ZNF691: variants seen among roughly 807,000 people sequenced by gnomAD.
ZNF691 encodes the protein zinc finger protein 691.
In ZNF691, 11 loss-of-function variants were observed where a neutral mutation model predicts 24.1. The ratio of observed to expected loss-of-function variants is 0.46; its 90% CI spans 0.29 to 0.75. The LOEUF (loss-of-function observed/expected upper bound fraction) is 0.75, where lower values mean the gene tolerates loss of function less well. ZNF691 is among the 30% of genes least tolerant of loss of function. ZNF691 has a pLI of 0.11. For synonymous variants in ZNF691, 149 were observed against 153.9 expected, an observed-to-expected ratio of 0.97 and a Z score of 0.23; for missense variants, 356 against 409.0, an observed-to-expected ratio of 0.87 and a Z score of 1.12.
intron 3 of ZNF691, 57 bp downstream of exon 3, chr1:42,849,799 G>C (rs1476419297): frequency 1.6e-5 from 22 of 1,391,912 alleles, no homozygotes; most frequent in Admixed American, 3.9e-5. Flanking sequence ...AAAGGAGTCT[G>C]TGCAGCTTAG....
At chr1:42,850,521 T>C in intron 3 of ZNF691, 2 of 1,449,872 alleles carry the variant, frequency 1.4e-6, no homozygotes, top group Non-Finnish European at 1.8e-6. Flanking sequence ...TAGATACTTG[T>C]AAGGAAGGTT....
chr1:42,850,270 A>G (rs918530169), intron 3 of ZNF691: 7 of 296,164 alleles, frequency 2.4e-5, no homozygotes, highest in African/African-American at 9.1e-5. Context: ...GGGGCTTTGT[A>G]TGGTGTTTGA....
At chr1:42,849,237 A>C in intron 1 of ZNF691, 54 bp from the exon 2 acceptor site, 1 of 367,206 alleles carries the variant, frequency 2.7e-6, no homozygotes, top group Non-Finnish European at 5.3e-6. Context: ...TTTAAGTTAA[A>C]AGTTTTTTCT....
At chr1:42,848,723 T>C (rs960539798) in intron 1 of ZNF691, among the ~76,000 whole-genome samples, 7 of 152,120 alleles carry the variant, frequency 4.6e-5, no homozygotes, top group African/African-American at 1.4e-4. Flanking sequence ...ACTTATGTTT[T>C]AGGGAAGCAG....
At position 42,849,617 on chromosome 1, in the gene ZNF691, G is replaced by A; in HGVS notation, c.-42G>A. The A allele has an allele frequency of 7.4e-7, 1 of 1,342,480 alleles. No individual in the cohort carries two copies. The highest frequency in any genetic ancestry group is 1.0e-6 in the Non-Finnish European group (1 of 956,922). 83.2% of individuals were successfully genotyped at this position (1,342,480 alleles called of 1,614,324 possible). A position where few individuals can be genotyped will look rare whatever the true frequency, so the allele number is the denominator to read the frequency against. On this transcript the variant is annotated 5_prime_UTR_variant, in exon 3 of 4. Coordinates refer to ENST00000651192, the MANE Select transcript of ZNF691 (RefSeq NM_001242739.2). ...CAGTCTTTCATTTTCTATCATCAGT[G>A]TCCTATGATAGTTTGTGCTTCCCTC...
chr1:42,852,180 C>T lies in ZNF691; in HGVS notation c.*367C>T. On this transcript the variant is annotated 3_prime_UTR_variant, in exon 4 of 4. Transcript: ENST00000651192. ...TGGGTGTCACTGTCTGAAGGTTCTC[C>T]AAATTGTCTGTGAACTGCTTAGGTA... is the stretch of plus-strand genomic sequence containing the variant. The T allele has an allele frequency of 2.6e-6, 1 of 389,124 alleles. No homozygotes were observed. Among genetic ancestry groups the T allele is most frequent in the South Asian group, 2.1e-5 (1 of 46,642 alleles). The allele number at this position is 389,124 out of a possible 1,614,324, so 24.1% of individuals were successfully genotyped here.
Position 42,850,519 on chromosome 1 carries a change from T to C in ZNF691, c.85-431T>C, listed in dbSNP as rs1655353855. 11 of 1,448,814 alleles carry C rather than the reference T, an allele frequency of 7.6e-6. No individual in the cohort carries two copies. In the South Asian group the frequency reaches 1.4e-4, roughly 18 times the overall value. The allele number at this position is 1,448,814 out of a possible 1,614,324, so 89.7% of individuals were successfully genotyped here. A position where few individuals can be genotyped will look rare whatever the true frequency, so the allele number is the denominator to read the frequency against. The stretch of plus-strand genomic sequence containing the variant: ...GAAAGCAGGCATATAGGTAGATACT[T>C]GTAAGGAAGGTTTTTCAAAAAGGAT... On this transcript the variant is annotated intron_variant, in intron 3 of 3. Coordinates refer to ENST00000651192, the MANE Select transcript of ZNF691 (RefSeq NM_001242739.2).
intron 3 of ZNF691, 187 bp from the exon 4 acceptor site, chr1:42,850,763 T>A (rs1025181643): frequency 1.3e-6 from 2 of 1,550,288 alleles, no homozygotes; most frequent in African/African-American, 2.7e-5. Flanking sequence ...TTTAAATATC[T>A]CTGAAAGTTT....
chr1:42,850,582 C>A, intron 3 of ZNF691: 1 of 1,506,780 alleles, frequency 6.6e-7, no homozygotes, highest in Non-Finnish European at 8.9e-7. Context: ...TACAGTTAGG[C>A]AGAAAAATTG....
At chr1:42,849,933 T>C (rs980034922) in intron 3 of ZNF691, among the ~76,000 whole-genome samples, 191 bp downstream of exon 3, 1 of 152,002 alleles carries the variant, frequency 6.6e-6, no homozygotes, top group African/African-American at 2.4e-5. Flanking sequence ...TTGTGTGTAC[T>C]TGGTATGTGA....
In ZNF691 at chr1:42,851,842, G is replaced by A. The variant is rs762840061; in HGVS notation, c.*29G>A. The A allele has an allele frequency of 6.2e-7, 1 of 1,613,746 alleles. No homozygotes were observed. The highest frequency in any genetic ancestry group is 8.5e-7 in the Non-Finnish European group (1 of 1,179,794). Reference sequence around the variant, plus strand: ...AGAGCCCCATTTAGAGTGAGGGAGAGAGAGTGAGAGACCCTAACCTATTGG... The same window carrying A: ...AGAGCCCCATTTAGAGTGAGGGAGAAAGAGTGAGAGACCCTAACCTATTGG... On this transcript the variant is annotated 3_prime_UTR_variant, in exon 4 of 4. Coordinates refer to ENST00000651192, the MANE Select transcript of ZNF691 (RefSeq NM_001242739.2). The surrounding 1 kb of genome is among the most constrained non-coding windows in gnomAD (Gnocchi z 4.7).
At position 42,849,382 on chromosome 1, in the gene ZNF691, A is replaced by AT. The variant is rs1299263443; in HGVS notation, c.-119dup. 6 of 579,962 alleles carry AT rather than the reference A, an allele frequency of 1.0e-5. No individual in the cohort carries two copies. In the East Asian group the frequency reaches 2.0e-4, roughly 19 times the overall value. The allele number at this position is 579,962 out of a possible 1,614,324, so 35.9% of individuals were successfully genotyped here. A position where few individuals can be genotyped will look rare whatever the true frequency, so the allele number is the denominator to read the frequency against. On this transcript the variant is annotated 5_prime_UTR_variant, in exon 2 of 4. An upstream open reading frame in the 5' UTR loses its in-frame stop. Transcript: ENST00000651192. ...ACACACTCTGCTGAGTATTACAGGCATTTTTTTCTAATACAAAGTCTTGTA... is the reference window on the plus strand; with the variant it reads ...ACACACTCTGCTGAGTATTACAGGCATTTTTTTTCTAATACAAAGTCTTGTA...
rs1204377413 is a variant in ZNF691, at chr1:42,851,804, T to G, written c.939T>G (p.Asp313Glu). Residue 313 changes from aspartate to glutamate, a missense_variant, in exon 4 of 4, where the codon GAT becomes GAG. Asp to Glu is a conservative substitution (Grantham distance 45). Transcript: ENST00000651192. This position sits in a 1 kb window ranked among gnomAD's most constrained non-coding sequence, Gnocchi z 4.7. ...KTHLGEQAGK[D>E]SS Reference sequence around the variant, plus strand: ...ACTTGGGCGAACAGGCTGGGAAAGATTCCAGCTGAAGGAGAGCCCCATTTA... The same window carrying G: ...ACTTGGGCGAACAGGCTGGGAAAGAGTCCAGCTGAAGGAGAGCCCCATTTA... The G allele has an allele frequency of 6.2e-7, 1 of 1,613,876 alleles. No homozygotes were observed. Among genetic ancestry groups the G allele is most frequent in the African/African-American group, 1.3e-5 (1 of 74,888 alleles).
chr1:42,847,795 G>T (rs1169500814), intron 1 of ZNF691, among the ~76,000 whole-genome samples: 1 of 152,244 alleles, frequency 6.6e-6, no homozygotes, highest in African/African-American at 2.4e-5. Flanking sequence ...CTTACTTGCT[G>T]TGTGCCCTTG....
At chr1:42,850,203 CTG>C (rs1655343798) in intron 3 of ZNF691, among the ~76,000 whole-genome samples, 1 of 140,904 alleles carries the variant, frequency 7.1e-6, no homozygotes, top group Admixed American at 7.4e-5. Flanking sequence ...GTGACTGTGT[CTG>C]TGTGATTCTG....
At position 42,849,762 on chromosome 1, in the gene ZNF691, T is replaced by C; in HGVS notation, c.84+20T>C. The C allele has an allele frequency of 2.6e-6, 4 of 1,546,214 alleles. No individual in the cohort carries two copies. Among genetic ancestry groups the C allele is most frequent in the Non-Finnish European group, 3.5e-6 (4 of 1,142,614 alleles). On this transcript the variant is annotated intron_variant, in intron 3 of 3. Transcript: ENST00000651192. ...TCAGAGGTACTTTTCCCCCCAACTC[T>C]TTCCCTGTCCTTGGCTGTAGGAACC... is the stretch of plus-strand genomic sequence containing the variant.
chr1:42,847,249 G>A (rs1655265612), intron 1 of ZNF691, among the ~76,000 whole-genome samples: 1 of 152,072 alleles, frequency 6.6e-6, no homozygotes, highest in Admixed American at 6.6e-5. Flanking sequence ...CCCTTGACTT[G>A]GCCCCAAAGA....
chr1:42,849,884 T>G, intron 3 of ZNF691, 142 bp downstream of exon 3: 6 of 709,780 alleles, frequency 8.5e-6, no homozygotes, highest in Admixed American at 2.2e-5. Flanking sequence ...GGGTGGGGTG[T>G]GGGGAGTGTG....
chr1:42,851,865 T>C lies in ZNF691; in HGVS notation c.*52T>C. On this transcript the variant is annotated 3_prime_UTR_variant, in exon 4 of 4. Coordinates refer to ENST00000651192, the MANE Select transcript of ZNF691 (RefSeq NM_001242739.2). The surrounding 1 kb of genome is among the most constrained non-coding windows in gnomAD (Gnocchi z 4.7). The stretch of plus-strand genomic sequence containing the variant: ...GAGAGAGTGAGAGACCCTAACCTAT[T>C]GGAGGAAGATCTTCAGCATCTTTTG... The C allele has an allele frequency of 2.5e-6, 4 of 1,607,296 alleles. No homozygotes were observed. Among genetic ancestry groups the C allele is most frequent in the Non-Finnish European group, 3.4e-6 (4 of 1,177,558 alleles).
Sources: gnomAD v4.1 joint callset for allele counts (sites outside exome capture counted in the v4.1 genomes callset) on GRCh38, gnomAD v4.1.1 for gene constraint, Gnocchi (gnomAD v3.1) non-coding constraint, MANE v1.5 for transcripts, NCBI Gene and HGNC (gene_info 2026-07-23, HGNC 2026-07-21) for gene names.